AFG2A: variants seen among roughly 807,000 people sequenced by gnomAD.
AFG2A encodes the protein ATPase family gene 2 protein homolog A.
At chr4:123,069,033 A>C in the AFG2A span, among the ~76,000 whole-genome samples, 1 of 152,334 alleles carries the variant, frequency 6.6e-6, no homozygotes, top group South Asian at 2.1e-4. Flanking sequence ...ATGGTTTTTG[A>C]ACACAATAAA....
the AFG2A span, chr4:122,934,818 C>A: frequency 6.8e-7 from 1 of 1,467,046 alleles, no homozygotes; most frequent in South Asian, 1.5e-5. Flanking sequence ...AATGATTGCT[C>A]ATCCTCTTTT....
the AFG2A span, among the ~76,000 whole-genome samples, chr4:123,162,143 A>G: frequency 1.2e-4 from 19 of 152,236 alleles, no homozygotes; most frequent in Non-Finnish European, 1.5e-5. Context: ...GAGACACTAT[A>G]AAAGTGGATT....
the AFG2A span, among the ~76,000 whole-genome samples, chr4:123,067,329 C>A: frequency 6.6e-6 from 1 of 151,900 alleles, no homozygotes; most frequent in African/African-American, 2.4e-5. Context: ...CCATCCTGGC[C>A]AGCATGGCGA....
chr4:122,963,889 C>T, the AFG2A span, among the ~76,000 whole-genome samples: 5 of 152,134 alleles, frequency 3.3e-5, no homozygotes, highest in Non-Finnish European at 7.3e-5. Flanking sequence ...TCCTTGTCAT[C>T]CCTCCCTGTC....
At chr4:123,268,887 G>C in the AFG2A span, among the ~76,000 whole-genome samples, 1,327 of 152,238 alleles carry the variant, frequency 8.7e-3, 27 homozygotes, top group African/African-American at 0.03. Flanking sequence ...ATATTTTTAA[G>C]CTTTTCTATA....
chr4:123,219,598 C>T, the AFG2A span, among the ~76,000 whole-genome samples: 9 of 152,126 alleles, frequency 5.9e-5, no homozygotes, highest in Admixed American at 3.9e-4. Context: ...TATTTTAATT[C>T]CTGTGAATAA....
At chr4:123,118,453 T>C in the AFG2A span, among the ~76,000 whole-genome samples, 1 of 150,824 alleles carries the variant, frequency 6.6e-6, no homozygotes, top group East Asian at 1.9e-4. Flanking sequence ...GATTTAGCTC[T>C]GTTTCTTGCA....
the AFG2A span, among the ~76,000 whole-genome samples, chr4:123,237,438 G>A: frequency 4.0e-5 from 6 of 151,758 alleles, no homozygotes; most frequent in Non-Finnish European, 7.4e-5. Flanking sequence ...TTTGGGAGGA[G>A]ATCATAGTGA....
At chr4:122,981,614 G>T in the AFG2A span, among the ~76,000 whole-genome samples, 1 of 151,882 alleles carries the variant, frequency 6.6e-6, no homozygotes, top group Admixed American at 6.6e-5. Flanking sequence ...ATTTTGGGTA[G>T]TATGAATATT....
the AFG2A span, among the ~76,000 whole-genome samples, chr4:123,107,212 T>C: frequency 6.6e-6 from 1 of 152,120 alleles, no homozygotes; most frequent in Non-Finnish European, 1.5e-5. Context: ...AAGTCAGGGT[T>C]GGGGGTGTTT....
the AFG2A span, among the ~76,000 whole-genome samples, chr4:122,960,949 C>A: frequency 6.6e-6 from 1 of 152,118 alleles, no homozygotes; most frequent in Admixed American, 6.5e-5. Context: ...AATATTGATA[C>A]TGTAGAAATT....
chr4:123,283,878 T>A, the AFG2A span, among the ~76,000 whole-genome samples: 2 of 152,146 alleles, frequency 1.3e-5, no homozygotes, highest in Non-Finnish European at 2.9e-5. Flanking sequence ...TCTGGCCCTT[T>A]ACAGCATAAG....
At chr4:122,966,415 T>G in the AFG2A span, among the ~76,000 whole-genome samples, 1 of 152,196 alleles carries the variant, frequency 6.6e-6, no homozygotes, top group Non-Finnish European at 1.5e-5. Flanking sequence ...TGTATAAGAC[T>G]GAACTCTGGA....
the AFG2A span, among the ~76,000 whole-genome samples, chr4:123,163,973 T>A: frequency 2.6e-5 from 4 of 152,324 alleles, no homozygotes; most frequent in South Asian, 8.3e-4. Context: ...TTAGACCTGG[T>A]TTTTAACTTC....
At chr4:122,981,463 CTTTTT>C in the AFG2A span, among the ~76,000 whole-genome samples, 1 of 118,996 alleles carries the variant, frequency 8.4e-6, no homozygotes, top group Non-Finnish European at 1.8e-5. Context: ...ATGCCTACAG[CTTTTT>C]TTTTTTTTTT....
At chr4:123,051,406 A>G in the AFG2A span, among the ~76,000 whole-genome samples, 1 of 151,934 alleles carries the variant, frequency 6.6e-6, no homozygotes, top group African/African-American at 2.4e-5. Flanking sequence ...CTCTCCTCCA[A>G]CATTTTGAAT....
At chr4:123,179,126 A>G in the AFG2A span, among the ~76,000 whole-genome samples, 1 of 152,186 alleles carries the variant, frequency 6.6e-6, no homozygotes, top group Non-Finnish European at 1.5e-5. Flanking sequence ...AAAAGAATGA[A>G]TACCTTTTGA....
At chr4:123,241,255 AGAAG>A in the AFG2A span, among the ~76,000 whole-genome samples, 1 of 152,246 alleles carries the variant, frequency 6.6e-6, no homozygotes, top group South Asian at 2.1e-4. Flanking sequence ...CAATAGAACA[AGAAG>A]GAATCCTCCC....
chr4:122,979,161 C>G, the AFG2A span: 5 of 1,528,742 alleles, frequency 3.3e-6, no homozygotes, highest in Admixed American at 6.0e-5. Context: ...AGATGGGCCA[C>G]CGGAGCCATC....
Sources: allele counts gnomAD v4.1 joint callset (sites outside exome capture counted in the v4.1 genomes callset), GRCh38; gene constraint gnomAD v4.1.1; transcripts MANE v1.5; gene names NCBI Gene and HGNC (gene_info 2026-07-23, HGNC 2026-07-21).